SPECC1L: variants seen among roughly 807,000 people sequenced by gnomAD.
The protein encoded by SPECC1L is sperm antigen with calponin homology and coiled-coil domains 1 like.
SPECC1L carries 40 observed loss-of-function variants against 116.8 expected under a neutral mutation model. That is an observed-to-expected ratio of 0.34 (90% CI 0.27 to 0.45). The LOEUF (loss-of-function observed/expected upper bound fraction) is 0.45. Among genes scored for constraint, SPECC1L ranks in the 20% least tolerant of loss-of-function variants. The pLI is 1.00. For missense variants in SPECC1L, 1,110 were observed against 1,373.6 expected (o/e 0.81, Z 3.03); for synonymous variants, 504 against 500.6 (o/e 1.01, Z -0.09).
At chr22:24,328,722 T>A in intron 6 of SPECC1L, 124 bp from the exon 7 acceptor site, 1 of 666,198 alleles carries the variant, frequency 1.5e-6, no homozygotes, top group Non-Finnish European at 2.6e-6. Flanking sequence ...TGTATTAAAA[T>A]TTTTTATAGT....
At chr22:24,315,966 A>T (rs545538793) in intron 4 of SPECC1L, among the ~76,000 whole-genome samples, 1 of 152,178 alleles carries the variant, frequency 6.6e-6, no homozygotes, top group African/African-American at 2.4e-5. Flanking sequence ...TAATGACTTC[A>T]TCTTACGTTA....
intron 6 of SPECC1L, among the ~76,000 whole-genome samples, chr22:24,324,766 G>A (rs1427279303): frequency 6.6e-6 from 1 of 152,202 alleles, no homozygotes; most frequent in Admixed American, 6.5e-5. Flanking sequence ...TGGGAGGATC[G>A]CTTGAACCCA....
chr22:24,312,116 G>A (rs1382991938), intron 3 of SPECC1L, among the ~76,000 whole-genome samples: 1 of 152,058 alleles, frequency 6.6e-6, no homozygotes, highest in East Asian at 1.9e-4. Flanking sequence ...CTACAGGCAT[G>A]TGCCACTTTG....
Position 24,321,658 on chromosome 22 carries a change from T to C in SPECC1L, c.678T>C (p.Ser226=). 6.2e-7 allele frequency: 1 copy of C among 1,614,210 alleles called. No homozygotes were observed. The highest frequency in any genetic ancestry group is 8.5e-7 in the Non-Finnish European group (1 of 1,180,038). The change falls in exon 5 of 17, where the codon TCT becomes TCC. Residue 226 remains serine, a synonymous_variant. Transcript: ENST00000314328. ...NEDHSEGDEK[S]EKETIMAHQP... ...ATCATTCTGAGGGTGATGAAAAATC[T>C]GAGAAGGAAACTATTATGGCTCACC...
chr22:24,274,488 T>C (rs1276027577), intron 1 of SPECC1L, among the ~76,000 whole-genome samples: 1 of 152,250 alleles, frequency 6.6e-6, no homozygotes, highest in African/African-American at 2.4e-5. Flanking sequence ...TTCTTCAGAA[T>C]AGTAGTTTTT....
rs1273174373 is a variant in SPECC1L, at chr22:24,414,700, G to A, written c.*77G>A. 6.2e-6 allele frequency: 8 copies of A among 1,282,274 alleles called. No individual in the cohort carries two copies. The highest frequency in any genetic ancestry group is 9.0e-6 in the Non-Finnish European group (8 of 891,252). The allele number at this position is 1,282,274 out of a possible 1,614,324, so 79.4% of individuals were successfully genotyped here. A position where few individuals can be genotyped will look rare whatever the true frequency, so the allele number is the denominator to read the frequency against. On this transcript the variant is annotated 3_prime_UTR_variant, in exon 17 of 17. Transcript: ENST00000314328. ...GAGCGACACCGACGCCATTAGCTAC[G>A]CACCCCTGTAAAGCTTCCAGCAACT...
intron 15 of SPECC1L, 93 bp from the exon 16 acceptor site, chr22:24,412,555 C>T (rs1253830084): frequency 5.1e-6 from 6 of 1,167,136 alleles, no homozygotes; most frequent in South Asian, 1.2e-5. Context: ...TGAGTGTCGT[C>T]CTTCAGATGC....
chr22:24,328,867 A>G lies in SPECC1L; in HGVS notation c.2168A>G (p.Asp723Gly), dbSNP rs1318284690. Residue 723 changes from aspartate (D) to glycine (G), a missense_variant, in exon 7 of 17, where the codon GAC (aspartate) becomes GGC (glycine). Transcript: ENST00000314328. ...DLENTVKKLQ[D>G]QKHDMEREIK... ...TCAGATACAGTTAAAAAACTCCAGG[A>G]CCAAAAGCACGACATGGAAAGAGAA... 11 of 1,613,612 alleles carry G rather than the reference A, an allele frequency of 6.8e-6. No homozygotes were observed. The Admixed American group carries it at 1.8e-4, about 27-fold the overall frequency.
At chr22:24,309,324 T>C (rs528208508) in intron 3 of SPECC1L, among the ~76,000 whole-genome samples, 1 of 152,344 alleles carries the variant, frequency 6.6e-6, no homozygotes, top group African/African-American at 2.4e-5. Context: ...TATTTACTTA[T>C]TTTCTCTCCA....
chr22:24,349,431 A>G (rs1269594396), intron 11 of SPECC1L, among the ~76,000 whole-genome samples: 2 of 152,080 alleles, frequency 1.3e-5, no homozygotes, highest in African/African-American at 4.8e-5. Flanking sequence ...TTTCTTTGTT[A>G]TTGTATCCTG....
At chr22:24,331,099 T>C (rs1474340604) in intron 8 of SPECC1L, among the ~76,000 whole-genome samples, 5 of 152,324 alleles carry the variant, frequency 3.3e-5, no homozygotes, top group East Asian at 3.9e-4. Flanking sequence ...TAGACATCAT[T>C]GGAAACTGAT....
intron 1 of SPECC1L, among the ~76,000 whole-genome samples, chr22:24,273,219 G>A (rs570088715): frequency 5.9e-5 from 9 of 152,052 alleles, no homozygotes; most frequent in Non-Finnish European, 1.2e-4. Flanking sequence ...CTGATATTTC[G>A]AATGACTTAA....
intron 2 of SPECC1L, among the ~76,000 whole-genome samples, chr22:24,301,456 C>T (rs375314420): frequency 4.6e-5 from 7 of 152,286 alleles, no homozygotes; most frequent in Admixed American, 1.3e-4. Context: ...ACCTAACATA[C>T]TGAACATCGT....
intron 1 of SPECC1L, among the ~76,000 whole-genome samples, chr22:24,272,011 C>G (rs1162395146): frequency 6.6e-6 from 1 of 152,184 alleles, no homozygotes; most frequent in Non-Finnish European, 1.5e-5. Context: ...TTTCTGGTGG[C>G]TTCAGGGAGT....
At chr22:24,286,979 A>G in intron 2 of SPECC1L, among the ~76,000 whole-genome samples, 1 of 152,246 alleles carries the variant, frequency 6.6e-6, no homozygotes, top group East Asian at 1.9e-4. Context: ...TGGTCTAAGT[A>G]TACCCTAAAT....
Position 24,273,960 on chromosome 22 carries a change from G to A in SPECC1L, c.-141-2740G>A, listed in dbSNP as rs180935886. Among the ~76,000 whole-genome samples the A allele has an allele frequency of 8.8e-4, 134 of 152,292 alleles. 1 individual carries two copies. Among genetic ancestry groups the A allele is most frequent in the Non-Finnish European group, 4.7e-4 (32 of 68,018 alleles). ...TTTAGTAGAGACAGGGTTTTTCCAT[G>A]TTGGTCAGGCTGGTCTGGAACTCCC... is the stretch of plus-strand genomic sequence containing the variant. On this transcript the variant is annotated intron_variant, in intron 1 of 16. Coordinates refer to ENST00000314328, the MANE Select transcript of SPECC1L (RefSeq NM_015330.6).
intron 16 of SPECC1L, among the ~76,000 whole-genome samples, chr22:24,413,610 A>AT (rs1451601081): frequency 1.3e-5 from 2 of 152,180 alleles, no homozygotes; most frequent in South Asian, 2.1e-4. Flanking sequence ...AGAAATGTGC[A>AT]TTTTTTAGGG....
chr22:24,303,281 A>C (rs1288505151), intron 3 of SPECC1L, among the ~76,000 whole-genome samples: 1 of 152,166 alleles, frequency 6.6e-6, no homozygotes, highest in Admixed American at 6.5e-5. Flanking sequence ...TTGGAACTGA[A>C]CCCAGGCTTA....
chr22:24,327,602 T>C (rs542033482), intron 6 of SPECC1L, among the ~76,000 whole-genome samples: 20 of 152,268 alleles, frequency 1.3e-4, no homozygotes, highest in African/African-American at 4.3e-4. Flanking sequence ...TCTATAGTTA[T>C]GTTTTCCCTA....
Sources: allele counts gnomAD v4.1 joint callset (sites outside exome capture counted in the v4.1 genomes callset), GRCh38; gene constraint gnomAD v4.1.1; transcripts MANE v1.5; gene names NCBI Gene and HGNC (gene_info 2026-07-23, HGNC 2026-07-21).